The following ANO6 variants were observed in gnomAD, a reference collection of about 807,000 sequenced individuals.
ANO6 encodes anoctamin-6.
A neutral mutation model predicts 117.5 loss-of-function variants in ANO6; 106 were observed. The observed-to-expected ratio is 0.90, with a 90% confidence interval of 0.77 to 1.06. The LOEUF (loss-of-function observed/expected upper bound fraction) is 1.06. ANO6 is among the 50% of genes least tolerant of loss of function. The probability of loss-of-function intolerance (pLI) is 0.00; values close to 1 mark genes in which losing one functional copy is unlikely to be tolerated. For missense variants in ANO6, 955 were observed against 1,121.1 expected (o/e 0.85, Z 2.12); for synonymous variants, 367 against 385.1 (o/e 0.95, Z 0.55).
At position 45,390,738 on chromosome 12, in the gene ANO6, G is replaced by GT. The variant is rs56950540; in HGVS notation, c.1386+242dup. Among the ~76,000 whole-genome samples, 20,996 of 152,164 alleles carry GT rather than the reference G, an allele frequency of 0.14. 2,048 individuals carry two copies. The highest frequency in any genetic ancestry group is 0.52 in the East Asian group (2,695 of 5,166). On this transcript the variant is annotated intron_variant, in intron 12 of 19. Transcript: ENST00000320560. ...TCTTCTAGTTCTTTTCACCTCATCT[G>GT]TTAAATCAGTGATTCAGGATTTTCC...
intron 10 of ANO6, among the ~76,000 whole-genome samples, chr12:45,382,423 T>C (rs886128679): frequency 1.3e-5 from 2 of 152,182 alleles, no homozygotes; most frequent in African/African-American, 4.8e-5. Context: ...TAAAAAATGG[T>C]TATGCTGGAA....
chr12:45,231,922 A>G (rs1432447534), intron 1 of ANO6, among the ~76,000 whole-genome samples: 1 of 152,206 alleles, frequency 6.6e-6, no homozygotes, highest in African/African-American at 2.4e-5. Flanking sequence ...TTATACTTCA[A>G]AATACTTATT....
At chr12:45,271,830 A>G (rs573159577) in intron 1 of ANO6, among the ~76,000 whole-genome samples, 3 of 152,346 alleles carry the variant, frequency 2.0e-5, no homozygotes, top group African/African-American at 7.2e-5. Flanking sequence ...CTAAAACTGC[A>G]AACTGGGCCT....
At chr12:45,322,427 G>T (rs1940311163) in intron 2 of ANO6, among the ~76,000 whole-genome samples, 1 of 152,152 alleles carries the variant, frequency 6.6e-6, no homozygotes, top group African/African-American at 2.4e-5. Context: ...TGGGAATGGG[G>T]AGTAATGGTT....
chr12:45,379,660 GC>G (rs1174290022), intron 10 of ANO6, among the ~76,000 whole-genome samples: 2 of 152,134 alleles, frequency 1.3e-5, no homozygotes, highest in African/African-American at 2.4e-5. Flanking sequence ...ACTAATGGAT[GC>G]TGATAGCCCC....
intron 1 of ANO6, among the ~76,000 whole-genome samples, chr12:45,288,903 A>G (rs1226750999): frequency 2.0e-5 from 3 of 149,492 alleles, no homozygotes; most frequent in Non-Finnish European, 1.5e-5. Context: ...GCCTGCCACC[A>G]CGCCCGGCTA....
intron 1 of ANO6, chr12:45,270,585 C>G: frequency 1.8e-6 from 1 of 553,736 alleles, no homozygotes; most frequent in Non-Finnish European, 3.1e-6. Flanking sequence ...CTCCGACTGT[C>G]AGTTCCGGGA....
In ANO6 at chr12:45,421,268, A is replaced by G. The variant is rs368719387; in HGVS notation, c.2415A>G (p.Thr805=). ...ACTCTGACCTGGGTAACCATACCAC[A>G]TGCAGGCAAGTTCTGCTTTACTTGT... ...NPYSDLGNHT[T]CRYRDFRYPP... is the part of the protein sequence containing the mutation. Residue 805 remains threonine (T), a synonymous_variant, in exon 18 of 20, where the codon ACA becomes ACG. Coordinates refer to ENST00000320560, the MANE Select transcript of ANO6 (RefSeq NM_001025356.3). 1.1e-5 allele frequency: 17 copies of G among 1,613,918 alleles called. No individual in the cohort carries two copies. The African/African-American group carries it at 1.5e-4, about 14-fold the overall frequency.
At chr12:45,346,248 A>G (rs887633239) in intron 3 of ANO6, among the ~76,000 whole-genome samples, 6 of 152,218 alleles carry the variant, frequency 3.9e-5, no homozygotes, top group Admixed American at 3.9e-4. Context: ...ACAAAGCAGT[A>G]TAAACTGTTT....
chr12:45,405,077 G>A (rs1942896964), intron 15 of ANO6, among the ~76,000 whole-genome samples: 1 of 151,730 alleles, frequency 6.6e-6, no homozygotes, highest in African/African-American at 2.4e-5. Flanking sequence ...AAGGGATTCT[G>A]GCTTTAGCTG....
chr12:45,276,115 C>T (rs1306911062), intron 1 of ANO6, among the ~76,000 whole-genome samples: 3 of 152,196 alleles, frequency 2.0e-5, no homozygotes, highest in Non-Finnish European at 2.9e-5. Flanking sequence ...GTACCACCAT[C>T]CTTCCAATTT....
chr12:45,277,480 C>T (rs10785563), intron 1 of ANO6, among the ~76,000 whole-genome samples: 149,700 of 152,284 alleles, frequency 0.98, 73,650 homozygotes, highest in Middle Eastern at 1. Flanking sequence ...CTTTAGACCT[C>T]AGCCGAGTGA....
At chr12:45,246,169 G>T (rs1196558534) in intron 1 of ANO6, among the ~76,000 whole-genome samples, 1 of 151,870 alleles carries the variant, frequency 6.6e-6, no homozygotes, top group Non-Finnish European at 1.5e-5. Flanking sequence ...TTATACCGGG[G>T]CTCACTTTTC....
intron 1 of ANO6, among the ~76,000 whole-genome samples, chr12:45,231,636 C>T (rs920560856): frequency 3.3e-5 from 5 of 152,174 alleles, no homozygotes; most frequent in Non-Finnish European, 7.3e-5. Flanking sequence ...TCTCGTTGTC[C>T]ACTGGATTTC....
intron 9 of ANO6, among the ~76,000 whole-genome samples, chr12:45,375,769 C>G (rs1043230138): frequency 2.0e-5 from 3 of 150,290 alleles, no homozygotes; most frequent in Non-Finnish European, 4.5e-5. Flanking sequence ...AAAACCTAGG[C>G]AATACCATTC....
At chr12:45,308,448 G>A (rs1372949169) in intron 2 of ANO6, among the ~76,000 whole-genome samples, 1 of 152,016 alleles carries the variant, frequency 6.6e-6, no homozygotes, top group Non-Finnish European at 1.5e-5. Context: ...AGCTAAGATT[G>A]AAGAGGGAAA....
intron 2 of ANO6, among the ~76,000 whole-genome samples, chr12:45,312,755 G>C (rs1404912312): frequency 1.3e-5 from 2 of 151,978 alleles, no homozygotes; most frequent in East Asian, 3.9e-4. Flanking sequence ...GTCACTCTTT[G>C]AAATGTAGAA....
At chr12:45,376,765 G>C (rs537895429) in intron 9 of ANO6, among the ~76,000 whole-genome samples, 1 of 151,150 alleles carries the variant, frequency 6.6e-6, no homozygotes, top group East Asian at 1.9e-4. Flanking sequence ...TGATGAGTTA[G>C]TGGGTGCAGC....
intron 10 of ANO6, among the ~76,000 whole-genome samples, chr12:45,382,548 G>A (rs570363467): frequency 6.0e-4 from 92 of 152,274 alleles, no homozygotes; most frequent in African/African-American, 2.1e-3. Flanking sequence ...CCAGTAAACT[G>A]TCAATGCTTC....
Sources: gnomAD v4.1 joint callset for allele counts (sites outside exome capture counted in the v4.1 genomes callset) on GRCh38, gnomAD v4.1.1 for gene constraint, MANE v1.5 for transcripts, NCBI Gene and HGNC (gene_info 2026-07-23, HGNC 2026-07-21) for gene names.